NUP62: variants seen among roughly 807,000 people sequenced by gnomAD.
NUP62 encodes nucleoporin 62.
For synonymous variants in NUP62, 305 were observed against 303.4 expected (o/e 1.01, Z -0.05); for missense variants, 647 against 689.4 (o/e 0.94, Z 0.69).
Position 49,909,620 on chromosome 19 carries a change from G to C in NUP62, c.188C>G (p.Ala63Gly). 1 of 1,614,214 alleles carries C rather than the reference G, an allele frequency of 6.2e-7. No homozygotes were observed. Among genetic ancestry groups the C allele is most frequent in the Non-Finnish European group, 8.5e-7 (1 of 1,180,036 alleles). The change falls in exon 3 of 3, where the codon GCC (alanine) becomes GGC (glycine). Residue 63 changes from alanine to glycine, a missense_variant. By Grantham distance (60) the Ala-to-Gly change is moderately conservative. Transcript: ENST00000352066. ...CGTCTGTGTGGCCGGAGTCTGGGTG[G>C]CAAGTGAGAACAGGCCGGTGGAAGG... ...STPSTGLFSL[A>G]TQTPATQTTG...
intron 2 of NUP62, among the ~76,000 whole-genome samples, chr19:49,920,286 T>G (rs1191654923): frequency 6.6e-6 from 1 of 152,224 alleles, no homozygotes; most frequent in Admixed American, 6.5e-5. Context: ...TTTCGCCATG[T>G]TGGCCAGGAT....
At position 49,909,552 on chromosome 19, in the gene NUP62, T is replaced by G; in HGVS notation, c.256A>C (p.Thr86Pro). 2 of 1,614,132 alleles carry G rather than the reference T, an allele frequency of 1.2e-6. No homozygotes were observed. Among genetic ancestry groups the G allele is most frequent in the Middle Eastern group, 1.6e-4 (1 of 6,062 alleles). ...FGTATLASGG[T>P]GFSLGIGASK... ...GCACCGATCCCCAAAGAAAATCCAGTTCCCCCCGAAGCAAGAGTCGCTGTT... is the reference window on the plus strand; with the variant it reads ...GCACCGATCCCCAAAGAAAATCCAGGTCCCCCCGAAGCAAGAGTCGCTGTT... Residue 86 changes from threonine to proline, a missense_variant, in exon 3 of 3, where the codon ACT becomes CCT. Coordinates refer to ENST00000352066, the MANE Select transcript of NUP62 (RefSeq NM_016553.5).
chr19:49,911,960 G>C (rs1030627048), intron 2 of NUP62, among the ~76,000 whole-genome samples: 2 of 152,190 alleles, frequency 1.3e-5, no homozygotes, highest in Non-Finnish European at 2.9e-5. Context: ...CCTCAAGCCG[G>C]TGTGTTGTTA....
At position 49,921,115 on chromosome 19, in the gene NUP62, C is replaced by A. The variant is rs1430519117; in HGVS notation, c.-78+6579G>T. Among the ~76,000 whole-genome samples, 4 of 152,200 alleles carry A rather than the reference C, an allele frequency of 2.6e-5. No individual in the cohort carries two copies. Among genetic ancestry groups the A allele is most frequent in the Non-Finnish European group, 4.4e-5 (3 of 68,038 alleles). ...CCCACATTTCATGGCATTTCTCACGCGCTGGGCTGTTTCCAGGGCTTCACC... is the reference window on the plus strand; with the variant it reads ...CCCACATTTCATGGCATTTCTCACGAGCTGGGCTGTTTCCAGGGCTTCACC... On this transcript the variant is annotated intron_variant, in intron 2 of 2. Transcript: ENST00000352066. The surrounding 1 kb of genome is among the most constrained non-coding windows in gnomAD (Gnocchi z 5.4).
At chr19:49,920,534 G>GACCA (rs1180952779) in intron 2 of NUP62, among the ~76,000 whole-genome samples, 3 of 152,270 alleles carry the variant, frequency 2.0e-5, no homozygotes, top group East Asian at 1.9e-4. Flanking sequence ...CCAACCAACC[G>GACCA]ACCAACCAAC....
chr19:49,925,617 G>C (rs2075868477), intron 2 of NUP62, among the ~76,000 whole-genome samples: 1 of 152,192 alleles, frequency 6.6e-6, no homozygotes, highest in Admixed American at 6.5e-5. Flanking sequence ...TCACAGGCCA[G>C]AGGAGGCTGC....
intron 2 of NUP62, among the ~76,000 whole-genome samples, chr19:49,922,773 C>A (rs953072414): frequency 2.6e-5 from 4 of 152,132 alleles, no homozygotes; most frequent in Non-Finnish European, 5.9e-5. Flanking sequence ...ACCACCAGCG[C>A]TGCCAGTGTT....
At chr19:49,911,949 A>G (rs1459923694) in intron 2 of NUP62, among the ~76,000 whole-genome samples, 2 of 152,134 alleles carry the variant, frequency 1.3e-5, no homozygotes, top group East Asian at 3.9e-4. Flanking sequence ...CTGCTGAGCC[A>G]CCTCAAGCCG....
rs751765277 is a variant in NUP62, at chr19:49,908,853, C to T, written c.955G>A (p.Ala319Thr). Residue 319 changes from alanine (A) to threonine (T), a missense_variant, in exon 3 of 3, where the codon GCT becomes ACT. Coordinates refer to ENST00000352066, the MANE Select transcript of NUP62 (RefSeq NM_016553.5). ...AVTAPPGPGA[A>T]AGAAASSAMT... ...GCGGAGCTGGCAGCCGCCCCTGCAG[C>T]TGCGCCAGGGCCAGGTGGAGCGGTC... 5.0e-6 allele frequency: 8 copies of T among 1,612,208 alleles called. No homozygotes were observed. Among genetic ancestry groups the T allele is most frequent in the Non-Finnish European group, 6.8e-6 (8 of 1,179,962 alleles).
At position 49,924,990 on chromosome 19, in the gene NUP62, G is replaced by C. The variant is rs181362827; in HGVS notation, c.-78+2704C>G. Among the ~76,000 whole-genome samples the C allele has an allele frequency of 3.0e-4, 46 of 152,314 alleles. 1 individual carries two copies. In the East Asian group the frequency reaches 5.6e-3, roughly 19 times the overall value. ...AAATTACCCACACCGGGCCAGGCGCGGTGGTTCACGCCTGTAATACCAGCA... is the reference window on the plus strand; with the variant it reads ...AAATTACCCACACCGGGCCAGGCGCCGTGGTTCACGCCTGTAATACCAGCA... On this transcript the variant is annotated intron_variant, in intron 2 of 2. Coordinates refer to ENST00000352066, the MANE Select transcript of NUP62 (RefSeq NM_016553.5).
At position 49,908,490 on chromosome 19, in the gene NUP62, T is replaced by C. The variant is rs1308744832; in HGVS notation, c.1318A>G (p.Ile440Val). The C allele has an allele frequency of 6.2e-7, 1 of 1,614,016 alleles. No individual in the cohort carries two copies. The highest frequency in any genetic ancestry group is 8.5e-7 in the Non-Finnish European group (1 of 1,180,040). ...GCCATGCGCTTGAGCTGTGCATCGA[T>C]GTTCTCAGCCAGCTTGTAGGTTTTC... Reference protein sequence around the residue: ...REKTYKLAENIDAQLKRMAQD... With the variant: ...REKTYKLAENVDAQLKRMAQD... The change falls in exon 3 of 3, where the codon ATC becomes GTC. Residue 440 changes from isoleucine to valine, a missense_variant. Ile to Val is a conservative substitution (Grantham distance 29). Transcript: ENST00000352066.
In NUP62 at chr19:49,907,873, C is replaced by T. The variant is rs2075358954; in HGVS notation, c.*366G>A. The T allele has an allele frequency of 2.7e-6, 1 of 374,868 alleles. No homozygotes were observed. The highest frequency in any genetic ancestry group is 2.4e-5 in the South Asian group (1 of 41,144). 23.2% of individuals were successfully genotyped at this position (374,868 alleles called of 1,614,324 possible). ...TTACATTTGGTATTTTTTCATGACACCTATGACTATGCTTTGGAGAGAGTG... is the reference window on the plus strand; with the variant it reads ...TTACATTTGGTATTTTTTCATGACATCTATGACTATGCTTTGGAGAGAGTG... On this transcript the variant is annotated 3_prime_UTR_variant, in exon 3 of 3. Transcript: ENST00000352066.
At position 49,914,726 on chromosome 19, in the gene NUP62, G is replaced by GTTTTTTTT. The variant is rs530372497; in HGVS notation, c.-77-4850_-77-4843dup. 4.5e-3 allele frequency among the ~76,000 whole-genome samples: 253 copies of GTTTTTTTT among 56,398 alleles called. 57 individuals carry two copies. The highest frequency in any genetic ancestry group is 5.2e-3 in the African/African-American group (80 of 15,448). The allele number at this position is 56,398 out of a possible 152,430, so 37.0% of individuals were successfully genotyped here. A position where few individuals can be genotyped will look rare whatever the true frequency, so the allele number is the denominator to read the frequency against. On this transcript the variant is annotated intron_variant, in intron 2 of 2. Transcript: ENST00000352066. ...GATTCTTGTGCCACTCCAAGTCCCA[G>GTTTTTTTT]TTTTTTTTTTTTTTTTTTTTTTTTT...
At chr19:49,926,208 C>CAAAAA (rs33981121) in intron 2 of NUP62, among the ~76,000 whole-genome samples, 1 of 42,502 alleles carries the variant, frequency 2.4e-5, no homozygotes, top group Non-Finnish European at 4.2e-5. Flanking sequence ...GACTCTGTCT[C>CAAAAA]AAAAAAAAAA....
intron 2 of NUP62, among the ~76,000 whole-genome samples, chr19:49,914,726 G>GTTTTGTTTTTTTTTTTTTTTTTTTTTT (rs2075575701): frequency 1.8e-5 from 1 of 56,362 alleles, no homozygotes; most frequent in Admixed American, 2.8e-4. Context: ...CCAAGTCCCA[G>GTTTTGTTTTTTTTTTTTTTTTTTTTTT]TTTTTTTTTT....
chr19:49,929,120 G>C (rs1482638354), intron 1 of NUP62: 1 of 151,964 alleles, frequency 6.6e-6, no homozygotes, highest in Non-Finnish European at 1.5e-5. Flanking sequence ...GGTTGGGGCC[G>C]CGCGAGGGCG....
At chr19:49,925,000 G>A (rs1007461392) in intron 2 of NUP62, among the ~76,000 whole-genome samples, 4 of 152,166 alleles carry the variant, frequency 2.6e-5, no homozygotes, top group Non-Finnish European at 5.9e-5. Flanking sequence ...GGTGGTTCAC[G>A]CCTGTAATAC....
At chr19:49,923,492 C>T (rs954046455) in intron 2 of NUP62, among the ~76,000 whole-genome samples, 1 of 152,228 alleles carries the variant, frequency 6.6e-6, no homozygotes, top group African/African-American at 2.4e-5. Context: ...AGGCAGACAT[C>T]TGCACACGGC....
intron 2 of NUP62, among the ~76,000 whole-genome samples, chr19:49,920,671 A>G (rs1459886443): frequency 6.6e-6 from 1 of 152,204 alleles, no homozygotes; most frequent in Non-Finnish European, 1.5e-5. Flanking sequence ...GGGCAGGCCC[A>G]TGCCTTCCTT....
Sources: allele counts gnomAD v4.1 joint callset (sites outside exome capture counted in the v4.1 genomes callset), GRCh38; gene constraint gnomAD v4.1.1; non-coding constraint Gnocchi (gnomAD v3.1); transcripts MANE v1.5; gene names NCBI Gene and HGNC (gene_info 2026-07-23, HGNC 2026-07-21).